Variants in PRDM15 observed in about 807,000 individuals in gnomAD.
PRDM15 encodes the protein PR domain zinc finger protein 15.
Under a neutral mutation model 128.6 loss-of-function variants are expected in PRDM15, and 64 were observed. The ratio of observed to expected loss-of-function variants is 0.50; its 90% CI spans 0.41 to 0.61. The LOEUF (loss-of-function observed/expected upper bound fraction) is 0.61, where lower values mean the gene tolerates loss of function less well. Among genes scored for constraint, PRDM15 ranks in the 20% least tolerant of loss-of-function variants. PRDM15 has a pLI of 0.00. For missense variants in PRDM15, 1,242 were observed against 1,569.1 expected (o/e 0.79, Z 3.52); for synonymous variants, 615 against 621.8 (o/e 0.99, Z 0.16).
chr21:41,806,936 T>TCACCAC (rs1221700506), intron 21 of PRDM15, among the ~76,000 whole-genome samples: 2 of 135,396 alleles, frequency 1.5e-5, no homozygotes, highest in Admixed American at 1.5e-4. Context: ...ACTATCACCA[T>TCACCAC]CACCACCACC....
At chr21:41,826,497 C>T (rs992969397) in intron 12 of PRDM15, among the ~76,000 whole-genome samples, 1 of 152,138 alleles carries the variant, frequency 6.6e-6, no homozygotes. Flanking sequence ...ATTCATCTCT[C>T]GCAAATTAAC....
intron 5 of PRDM15, among the ~76,000 whole-genome samples, chr21:41,848,597 G>A (rs1351559757): frequency 6.6e-6 from 1 of 152,198 alleles, no homozygotes; most frequent in Non-Finnish European, 1.5e-5. Context: ...GTTCCAAAGA[G>A]AGAAAAACAC....
In PRDM15 at chr21:41,859,737, G is replaced by A. The variant is rs1436071480; in HGVS notation, c.38-52C>T. On this transcript the variant is annotated intron_variant, in intron 2 of 23. Transcript: ENST00000398548. This position sits in a 1 kb window ranked among gnomAD's most constrained non-coding sequence, Gnocchi z 5.3. ...GCACCCAGGGAGGGAGACACCTAAA[G>A]AACACAAACCTGGGAAATGGGGACC... 6 of 1,502,422 alleles carry A rather than the reference G, an allele frequency of 4.0e-6. No individual in the cohort carries two copies. The highest frequency in any genetic ancestry group is 1.8e-6 in the Non-Finnish European group (2 of 1,087,012). The allele number at this position is 1,502,422 out of a possible 1,614,324, so 93.1% of individuals were successfully genotyped here.
At position 41,825,972 on chromosome 21, in the gene PRDM15, CG is replaced by C; in HGVS notation, c.1616del (p.Pro539ArgfsTer13). ...CTGCGAGCATTACCTTGCCACACAC[CG>C]GGCACCCGGAAGGCTCCTTCTTGTA... Reference protein sequence around the residue: ...VRYKKEPSGCPVCGKVFSCRS... With the variant: ...VRYKKEPSGCXVCGKVFSCRS... On this transcript the variant is annotated frameshift_variant, in exon 13 of 24. Transcript: ENST00000398548. LOFTEE classifies it high-confidence loss of function. 6.2e-7 allele frequency: 1 copy of C among 1,613,636 alleles called. No homozygotes were observed. The highest frequency in any genetic ancestry group is 8.5e-7 in the Non-Finnish European group (1 of 1,179,532).
intron 10 of PRDM15, 101 bp downstream of exon 10, chr21:41,836,012 C>A: frequency 3.0e-6 from 2 of 658,162 alleles, no homozygotes; most frequent in South Asian, 2.9e-5. Context: ...CACTCTCCTC[C>A]CTCCTGGGAT....
intron 6 of PRDM15, among the ~76,000 whole-genome samples, chr21:41,842,793 T>C (rs1018199491): frequency 1.1e-4 from 16 of 147,648 alleles, no homozygotes; most frequent in Admixed American, 8.1e-4. Flanking sequence ...CTGGCCTTTT[T>C]TTTTTTTTTG....
At chr21:41,826,498 G>A (rs532559672) in intron 12 of PRDM15, among the ~76,000 whole-genome samples, 3 of 152,244 alleles carry the variant, frequency 2.0e-5, no homozygotes, top group African/African-American at 4.8e-5. Context: ...TTCATCTCTC[G>A]CAAATTAACA....
At chr21:41,866,095 A>G (rs1186879024) in intron 1 of PRDM15, among the ~76,000 whole-genome samples, 1 of 151,832 alleles carries the variant, frequency 6.6e-6, no homozygotes, top group South Asian at 2.1e-4. Flanking sequence ...TTTTCCACTC[A>G]CTCCTTTTGT....
In PRDM15 at chr21:41,859,044, C is replaced by T. The variant is rs1277467523; in HGVS notation, c.131+548G>A. 1.1e-5 allele frequency: 17 copies of T among 1,560,720 alleles called. No homozygotes were observed. The East Asian group carries it at 4.0e-4, about 37-fold the overall frequency. On this transcript the variant is annotated intron_variant, in intron 3 of 23. Transcript: ENST00000398548. The surrounding 1 kb of genome is among the most constrained non-coding windows in gnomAD (Gnocchi z 5.3). ...GTCCAAGCTCACCTGCCCTGGGCCA[C>T]CAGGTGGCACAGCCTCCCCCAGGTG...
rs2062907093 is a variant in PRDM15 at position 41,836,653 on chromosome 21, C to T, written c.1002-4G>A. The T allele has an allele frequency of 6.3e-7, 1 of 1,584,400 alleles. No individual in the cohort carries two copies. Among genetic ancestry groups the T allele is most frequent in the African/African-American group, 1.3e-5 (1 of 74,154 alleles). ...GTTATTCTGATGATGGGTGAACCTGCCCAGGGACGTCAATAAGTTGGGAAA... is the reference window on the plus strand; with the variant it reads ...GTTATTCTGATGATGGGTGAACCTGTCCAGGGACGTCAATAAGTTGGGAAA... On this transcript the variant is annotated splice_region_variant and splice_polypyrimidine_tract_variant and intron_variant, in intron 8 of 23. Transcript: ENST00000398548.
chr21:41,844,650 A>G lies in PRDM15; in HGVS notation c.640+2440T>C, dbSNP rs1205514656. Among the ~76,000 whole-genome samples, 4 of 71,746 alleles carry G rather than the reference A, an allele frequency of 5.6e-5. No individual in the cohort carries two copies. The Admixed American group carries it at 6.7e-4, about 12-fold the overall frequency. 47.1% of individuals were successfully genotyped at this position (71,746 alleles called of 152,430 possible). Reference sequence around the variant, plus strand: ...ACAGCCCCTCCCCCCTCACAGAGACACACATACACAGTCCCTCCCCCCTCA... The same window carrying G: ...ACAGCCCCTCCCCCCTCACAGAGACGCACATACACAGTCCCTCCCCCCTCA... On this transcript the variant is annotated intron_variant, in intron 6 of 23. Coordinates refer to ENST00000398548, the MANE Select transcript of PRDM15 (RefSeq NM_001040424.3).
chr21:41,861,380 A>AT (rs1491375407), intron 1 of PRDM15, among the ~76,000 whole-genome samples: 1 of 151,450 alleles, frequency 6.6e-6, no homozygotes, highest in Non-Finnish European at 1.5e-5. Flanking sequence ...CCCCACACAC[A>AT]TATATTCACA....
intron 1 of PRDM15, among the ~76,000 whole-genome samples, chr21:41,863,608 G>A (rs761557947): frequency 6.6e-5 from 10 of 151,808 alleles, no homozygotes; most frequent in Non-Finnish European, 1.2e-4. Context: ...GGGAAATGGG[G>A]GGTGACTTCA....
rs955780820 is a variant in PRDM15 at position 41,799,518 on chromosome 21, G to A, written c.*1722C>T. The A allele has an allele frequency of 6.6e-6, 1 of 152,242 alleles. No individual in the cohort carries two copies. The highest frequency in any genetic ancestry group is 1.5e-5 in the Non-Finnish European group (1 of 68,042). 9.4% of individuals were successfully genotyped at this position (152,242 alleles called of 1,614,324 possible). The stretch of plus-strand genomic sequence containing the variant: ...CTAGGCGCGAGTGATGGTGGGTAAG[G>A]TGAGGAGGTGAGCCCCACAGACCCT... On this transcript the variant is annotated 3_prime_UTR_variant, in exon 24 of 24. Coordinates refer to ENST00000398548, the MANE Select transcript of PRDM15 (RefSeq NM_001040424.3).
rs543448193 is a variant in PRDM15 at position 41,803,420 on chromosome 21, G to A, written c.2734-499C>T. Among the ~76,000 whole-genome samples the A allele has an allele frequency of 4.6e-5, 7 of 152,342 alleles. No individual in the cohort carries two copies. The South Asian group carries it at 6.2e-4, about 14-fold the overall frequency. ...TGGTGAGCCCAGTGGGCCCCTCCCC[G>A]CACGATTCCCTGCAAGTGTCCAGGA... On this transcript the variant is annotated intron_variant, in intron 22 of 23. Transcript: ENST00000398548.
Position 41,801,599 on chromosome 21 carries a change from C to T in PRDM15, c.3067G>A (p.Ala1023Thr), listed in dbSNP as rs760073923. The change falls in exon 24 of 24, where the codon GCC (alanine) becomes ACC (threonine). Residue 1023 changes from alanine to threonine, a missense_variant. Ala to Thr is a moderately conservative substitution (Grantham distance 58). Transcript: ENST00000398548. The part of the protein sequence containing the change: ...ATQFTNLQPV[A>T]VGHLTTPERQ... ...TCAGGGGTGGTAAGGTGCCCCACGGCCACCGGCTGGAGATTGGTAAACTGA... is the reference window on the plus strand; with the variant it reads ...TCAGGGGTGGTAAGGTGCCCCACGGTCACCGGCTGGAGATTGGTAAACTGA... The T allele has an allele frequency of 6.2e-7, 1 of 1,614,170 alleles. No individual in the cohort carries two copies.
At chr21:41,838,395 C>T (rs1435260113) in intron 7 of PRDM15, among the ~76,000 whole-genome samples, 1 of 152,212 alleles carries the variant, frequency 6.6e-6, no homozygotes, top group African/African-American at 2.4e-5. Context: ...TTCGAACTTA[C>T]TACATCAATT....
intron 5 of PRDM15, among the ~76,000 whole-genome samples, chr21:41,852,719 G>C (rs1360621937): frequency 1.3e-5 from 2 of 152,162 alleles, no homozygotes; most frequent in African/African-American, 4.8e-5. Flanking sequence ...GAGCCGCCTG[G>C]CTCCTCACCA....
At chr21:41,808,110 C>T (rs988022923) in intron 21 of PRDM15, among the ~76,000 whole-genome samples, 70 of 152,330 alleles carry the variant, frequency 4.6e-4, no homozygotes, top group African/African-American at 1.5e-3. Context: ...TTTATCAATA[C>T]GCGGAAGTCT....
Sources: allele counts gnomAD v4.1 joint callset (sites outside exome capture counted in the v4.1 genomes callset), GRCh38; gene constraint gnomAD v4.1.1; non-coding constraint Gnocchi (gnomAD v3.1); transcripts MANE v1.5; gene names NCBI Gene and HGNC (gene_info 2026-07-23, HGNC 2026-07-21).